Variants in GSDMC observed in about 807,000 individuals in gnomAD.
GSDMC encodes gasdermin C, also known as gasdermin-C.
GSDMC carries 59 observed loss-of-function variants against 58.0 expected under a neutral mutation model. That is an observed-to-expected ratio of 1.02 (90% CI 0.82 to 1.26). GSDMC has a LOEUF of 1.26. Ranked by LOEUF, GSDMC falls within the 50% of genes most tolerant of loss-of-function variation. The pLI is 0.00. For synonymous variants in GSDMC, 241 were observed against 220.2 expected (o/e 1.09, Z -0.83); for missense variants, 659 against 598.5 (o/e 1.10, Z -1.06).
At chr8:129,751,140 G>A (rs1266984100) in intron 10 of GSDMC, among the ~76,000 whole-genome samples, 10 of 152,146 alleles carry the variant, frequency 6.6e-5, no homozygotes, top group Non-Finnish European at 1.5e-4. Flanking sequence ...GTTTATGTAT[G>A]TAAGGCACTT....
chr8:129,706,116 G>T, the GSDMC span, among the ~76,000 whole-genome samples: 2 of 152,158 alleles, frequency 1.3e-5, no homozygotes, highest in African/African-American at 4.8e-5. Flanking sequence ...TGTTTAGGAA[G>T]GTGATGCTGC....
chr8:129,760,734 A>C (rs188236059), intron 5 of GSDMC, 145 bp from the exon 6 acceptor site: 2 of 559,798 alleles, frequency 3.6e-6, no homozygotes, highest in African/African-American at 3.8e-5. Context: ...AATCACTTTG[A>C]AAGGTGCCCT....
At chr8:129,723,416 C>T in the GSDMC span, among the ~76,000 whole-genome samples, 53,699 of 142,796 alleles carry the variant, frequency 0.38, 13,459 homozygotes, top group East Asian at 0.71. Context: ...ATTTTTTCTT[C>T]TCCTTTTTTT....
At chr8:129,754,624 G>A (rs1292744242) in intron 6 of GSDMC, among the ~76,000 whole-genome samples, 1 of 152,028 alleles carries the variant, frequency 6.6e-6, no homozygotes, top group East Asian at 1.9e-4. Flanking sequence ...AAGGCACCAG[G>A]GACAAATCCT....
At chr8:129,711,457 T>C in the GSDMC span, among the ~76,000 whole-genome samples, 4 of 152,232 alleles carry the variant, frequency 2.6e-5, no homozygotes, top group Non-Finnish European at 5.9e-5. Context: ...AGTTCCATTA[T>C]CTTAGCTAGG....
intron 3 of GSDMC, among the ~76,000 whole-genome samples, chr8:129,774,591 G>A (rs1336619141): frequency 6.6e-6 from 1 of 151,074 alleles, no homozygotes; most frequent in East Asian, 1.9e-4. Context: ...AAAAGTTTCT[G>A]AACAGCAAAG....
chr8:129,760,629 T>A, intron 5 of GSDMC, 40 bp from the exon 6 acceptor site: 1 of 1,375,836 alleles, frequency 7.3e-7, no homozygotes, highest in Non-Finnish European at 1.0e-6. Flanking sequence ...AGAGTTGAGG[T>A]TATTCCTGCC....
Position 129,757,354 on chromosome 8 carries a change from G to A in GSDMC, c.721+3191C>T, listed in dbSNP as rs921833975. Reference sequence around the variant, plus strand: ...GAACCTACCAAGATTAAACCATGAAGAAATTTAAAACCTGAACAGATCAGT... The same window carrying A: ...GAACCTACCAAGATTAAACCATGAAAAAATTTAAAACCTGAACAGATCAGT... On this transcript the variant is annotated intron_variant, in intron 6 of 13. Coordinates refer to ENST00000276708, the MANE Select transcript of GSDMC (RefSeq NM_031415.3). Among the ~76,000 whole-genome samples, 3 of 151,946 alleles carry A rather than the reference G, an allele frequency of 2.0e-5. No homozygotes were observed. In the South Asian group the frequency reaches 6.2e-4, roughly 32 times the overall value.
At chr8:129,771,265 A>G (rs1184281912) in intron 3 of GSDMC, among the ~76,000 whole-genome samples, 1 of 149,950 alleles carries the variant, frequency 6.7e-6, no homozygotes, top group East Asian at 1.9e-4. Context: ...CGTCCCCCAG[A>G]AAAAAAAAAT....
the GSDMC span, chr8:129,729,266 G>T: frequency 4.8e-6 from 3 of 620,506 alleles, no homozygotes; most frequent in Non-Finnish European, 9.2e-6. Flanking sequence ...ACATGTATCT[G>T]CCAGTATTGG....
At chr8:129,741,227 T>C in the GSDMC span, among the ~76,000 whole-genome samples, 1 of 152,142 alleles carries the variant, frequency 6.6e-6, no homozygotes, top group Non-Finnish European at 1.5e-5. Context: ...GCCAGTACCA[T>C]GTTGTTTTGA....
At chr8:129,768,527 T>G (rs1351033499) in intron 3 of GSDMC, among the ~76,000 whole-genome samples, 1 of 152,144 alleles carries the variant, frequency 6.6e-6, no homozygotes, top group Non-Finnish European at 1.5e-5. Flanking sequence ...GAAACCATTT[T>G]TTAAAAATCC....
At chr8:129,733,592 G>T in the GSDMC span, among the ~76,000 whole-genome samples, 1 of 152,110 alleles carries the variant, frequency 6.6e-6, no homozygotes, top group Non-Finnish European at 1.5e-5. Context: ...ACTATTAGAA[G>T]GAAAACTAAC....
intron 1 of GSDMC, among the ~76,000 whole-genome samples, chr8:129,781,311 A>C (rs1229494257): frequency 6.6e-6 from 1 of 152,196 alleles, no homozygotes; most frequent in Admixed American, 6.5e-5. Context: ...AAAGATAAAC[A>C]TGGAATAAAA....
At chr8:129,708,870 T>C in the GSDMC span, among the ~76,000 whole-genome samples, 1 of 152,266 alleles carries the variant, frequency 6.6e-6, no homozygotes, top group Non-Finnish European at 1.5e-5. Flanking sequence ...CCTTTCCAAC[T>C]CTGGACAATG....
the GSDMC span, among the ~76,000 whole-genome samples, chr8:129,714,495 T>C: frequency 1.3e-5 from 2 of 152,228 alleles, no homozygotes; most frequent in Admixed American, 1.3e-4. Context: ...AAAAGAGACT[T>C]TAATAATGTT....
Position 129,760,597 on chromosome 8 carries a change from G to C in GSDMC, c.677-8C>G, listed in dbSNP as rs762206910. ...CATCTGAGATGAGAATGGCTGAATG[G>C]AAAAGAAGAACTTCCATTAGGAGAG... On this transcript the variant is annotated splice_polypyrimidine_tract_variant and splice_region_variant and intron_variant, in intron 5 of 13. Transcript: ENST00000276708. 2 of 1,573,828 alleles carry C rather than the reference G, an allele frequency of 1.3e-6. No individual in the cohort carries two copies. The highest frequency in any genetic ancestry group is 2.2e-5 in the South Asian group (2 of 89,680).
the GSDMC span, among the ~76,000 whole-genome samples, chr8:129,731,823 TA>T: frequency 6.6e-6 from 1 of 152,096 alleles, no homozygotes; most frequent in Admixed American, 6.6e-5. Context: ...TCTAAAATTT[TA>T]AAAAAATATA....
the GSDMC span, among the ~76,000 whole-genome samples, chr8:129,715,006 C>T: frequency 6.6e-6 from 1 of 152,030 alleles, no homozygotes; most frequent in Non-Finnish European, 1.5e-5. Flanking sequence ...GTTAAAATGA[C>T]CTGAATGATG....
Sources: allele counts gnomAD v4.1 joint callset (sites outside exome capture counted in the v4.1 genomes callset), GRCh38; gene constraint gnomAD v4.1.1; transcripts MANE v1.5; gene names NCBI Gene and HGNC (gene_info 2026-07-23, HGNC 2026-07-21).